Variants in LRRC74A observed in about 807,000 individuals in gnomAD.
The protein encoded by LRRC74A is leucine-rich repeat-containing protein 74A.
Under a neutral mutation model 57.9 loss-of-function variants are expected in LRRC74A, and 44 were observed. That is an observed-to-expected ratio of 0.76 (90% CI 0.60 to 0.98). The LOEUF (loss-of-function observed/expected upper bound fraction) is 0.98. Among genes scored for constraint, LRRC74A ranks in the 50% least tolerant of loss-of-function variants. The pLI is 0.00. For missense variants in LRRC74A, 572 were observed against 574.0 expected (o/e 1.00, Z 0.04); for synonymous variants, 211 against 219.4 (o/e 0.96, Z 0.34).
At chr14:76,866,105 T>TGTGTGA (rs1421258658) in intron 12 of LRRC74A, 30 bp downstream of exon 12, 10 of 1,424,998 alleles carry the variant, frequency 7.0e-6, no homozygotes, top group Non-Finnish European at 9.8e-6. Flanking sequence ...CAACAGGCTG[T>TGTGTGA]GTGTGAGTGT....
intron 13 of LRRC74A, among the ~76,000 whole-genome samples, chr14:76,869,689 A>T (rs1899278486): frequency 6.6e-6 from 1 of 151,636 alleles, no homozygotes; most frequent in Non-Finnish European, 1.5e-5. Context: ...TTGAACCTGG[A>T]AGGCAGAGGT....
chr14:76,834,140 G>A (rs1487261293), intron 3 of LRRC74A, among the ~76,000 whole-genome samples: 1 of 152,208 alleles, frequency 6.6e-6, no homozygotes, highest in Admixed American at 6.5e-5. Flanking sequence ...TTTAGCATTT[G>A]TGTGCACTTT....
chr14:76,848,198 G>A (rs909074198), intron 7 of LRRC74A, among the ~76,000 whole-genome samples: 4 of 151,798 alleles, frequency 2.6e-5, no homozygotes, highest in African/African-American at 4.8e-5. Context: ...GTTAATGGGT[G>A]CAGCACACCA....
intron 1 of LRRC74A, among the ~76,000 whole-genome samples, chr14:76,827,520 T>G (rs929030549): frequency 6.6e-6 from 1 of 152,204 alleles, no homozygotes; most frequent in East Asian, 1.9e-4. Context: ...ATGTGTGGCT[T>G]CCAGAAGCCC....
chr14:76,832,564 T>A (rs914237489), intron 3 of LRRC74A, among the ~76,000 whole-genome samples: 3 of 152,196 alleles, frequency 2.0e-5, no homozygotes, highest in African/African-American at 7.2e-5. Flanking sequence ...CACCTCAGGA[T>A]CCTAAACTGC....
intron 11 of LRRC74A, among the ~76,000 whole-genome samples, chr14:76,865,123 T>C (rs922818486): frequency 1.3e-5 from 2 of 152,244 alleles, no homozygotes; most frequent in Non-Finnish European, 2.9e-5. Context: ...TAAAATTGCC[T>C]TGCAACGTGA....
At chr14:76,840,344 T>C (rs868761213) in intron 5 of LRRC74A, among the ~76,000 whole-genome samples, 4 of 152,162 alleles carry the variant, frequency 2.6e-5, no homozygotes, top group African/African-American at 7.2e-5. Context: ...TTTGTTGTTG[T>C]TGTGGTTTCT....
chr14:76,855,255 G>A (rs1395631767), intron 9 of LRRC74A, among the ~76,000 whole-genome samples: 2 of 152,152 alleles, frequency 1.3e-5, no homozygotes, highest in Admixed American at 1.3e-4. Context: ...GGGGTGGAGC[G>A]GGGCCAGGCA....
chr14:76,844,757 TA>T, intron 6 of LRRC74A, 62 bp from the exon 7 acceptor site: 2 of 912,860 alleles, frequency 2.2e-6, no homozygotes, highest in South Asian at 2.8e-5. Context: ...TGCCCTGAGA[TA>T]AGTAAGATAT....
intron 11 of LRRC74A, among the ~76,000 whole-genome samples, chr14:76,863,746 G>C (rs533716050): frequency 3.3e-5 from 5 of 152,328 alleles, no homozygotes; most frequent in East Asian, 1.9e-4. Flanking sequence ...TATTACAGGA[G>C]AGAGATCAAA....
intron 1 of LRRC74A, among the ~76,000 whole-genome samples, chr14:76,826,982 C>T (rs1409512841): frequency 6.6e-5 from 10 of 152,190 alleles, no homozygotes; most frequent in African/African-American, 2.4e-4. Context: ...CAGTTGATAC[C>T]ACATTTATAG....
chr14:76,844,839 A>T lies in LRRC74A; in HGVS notation c.614A>T (p.Lys205Met). ...QALSTNYQIK[K>M]LDLSHNQFSD... ...CTGTAGACCAATTACCAAATTAAAA[A>T]GCTGGATCTCAGTCACAACCAATTC... The change falls in exon 7 of 14, where the codon AAG (lysine) becomes ATG (methionine). Residue 205 changes from lysine to methionine, a missense_variant. By Grantham distance (95) the Lys-to-Met change is moderately conservative (BLOSUM62 -1). Transcript: ENST00000689127. 1.3e-6 allele frequency: 2 copies of T among 1,585,164 alleles called. No individual in the cohort carries two copies. Among genetic ancestry groups the T allele is most frequent in the South Asian group, 1.1e-5 (1 of 90,430 alleles).
chr14:76,853,375 G>C lies in LRRC74A; in HGVS notation c.922G>C (p.Gly308Arg), dbSNP rs1227572655. ...GNEGASKISK[G>R]LESNESLRVL... ...TGAAGGGGCCTCCAAAATCAGCAAAGGACTGGAATCCAATGAAAGCCTCAG... is the reference window on the plus strand; with the variant it reads ...TGAAGGGGCCTCCAAAATCAGCAAACGACTGGAATCCAATGAAAGCCTCAG... The change falls in exon 9 of 14, where the codon GGA becomes CGA. Residue 308 changes from glycine (G) to arginine (R), a missense_variant. Transcript: ENST00000689127. 1.2e-6 allele frequency: 2 copies of C among 1,611,932 alleles called. No individual in the cohort carries two copies. Among genetic ancestry groups the C allele is most frequent in the South Asian group, 1.1e-5 (1 of 91,012 alleles).
intron 11 of LRRC74A, among the ~76,000 whole-genome samples, chr14:76,863,790 G>A (rs1446748557): frequency 6.6e-6 from 1 of 152,230 alleles, no homozygotes; most frequent in African/African-American, 2.4e-5. Context: ...ACAGACTCTT[G>A]TTAGATTCCA....
intron 11 of LRRC74A, among the ~76,000 whole-genome samples, chr14:76,864,833 G>A (rs4903502): frequency 6.9e-4 from 105 of 152,250 alleles, no homozygotes; most frequent in South Asian, 2.5e-3. Context: ...TAGCCTAGGC[G>A]ACAGAGCGAG....
chr14:76,844,955 T>G (rs1039834008), intron 7 of LRRC74A, 54 bp downstream of exon 7: 31 of 874,016 alleles, frequency 3.5e-5, no homozygotes, highest in Middle Eastern at 2.2e-4. Context: ...GAAGAATCAC[T>G]TGGCAGAGCG....
chr14:76,870,051 T>A, intron 13 of LRRC74A, 74 bp from the exon 14 acceptor site: 3 of 1,519,974 alleles, frequency 2.0e-6, no homozygotes, highest in South Asian at 2.4e-5. Context: ...GATTTAAGCC[T>A]GTCTTAACAT....
At chr14:76,831,705 A>G (rs1437098365) in intron 3 of LRRC74A, among the ~76,000 whole-genome samples, 1 of 152,156 alleles carries the variant, frequency 6.6e-6, no homozygotes. Context: ...TCAATGTAAG[A>G]GCACCAACAA....
intron 11 of LRRC74A, among the ~76,000 whole-genome samples, chr14:76,863,429 G>A (rs755100139): frequency 1.3e-5 from 2 of 152,216 alleles, no homozygotes; most frequent in Middle Eastern, 3.4e-3. Flanking sequence ...GCCTGTGTAC[G>A]GTCAGGGCAG....
Sources: gnomAD v4.1 joint callset for allele counts (sites outside exome capture counted in the v4.1 genomes callset) on GRCh38, gnomAD v4.1.1 for gene constraint, MANE v1.5 for transcripts, NCBI Gene and HGNC (gene_info 2026-07-23, HGNC 2026-07-21) for gene names.